AACS: variants seen among roughly 807,000 people sequenced by gnomAD.
The protein encoded by AACS is acetoacetyl-CoA synthetase.
A neutral mutation model predicts 83.1 loss-of-function variants in AACS; 69 were observed. That is an observed-to-expected ratio of 0.83 (90% CI 0.68 to 1.01). The LOEUF (loss-of-function observed/expected upper bound fraction) is 1.01, where lower values mean the gene tolerates loss of function less well. AACS is among the 50% of genes least tolerant of loss of function. The pLI, the probability that AACS is intolerant of heterozygous loss-of-function variation, is 0.00. For missense variants in AACS, 866 were observed against 882.2 expected, an observed-to-expected ratio of 0.98 and a Z score of 0.23; for synonymous variants, 333 against 343.4, an observed-to-expected ratio of 0.97 and a Z score of 0.33.
In AACS at chr12:125,073,978, A is replaced by G; in HGVS notation, c.236A>G (p.Glu79Gly). 1 of 1,607,344 alleles carries G rather than the reference A, an allele frequency of 6.2e-7. No individual in the cohort carries two copies. The highest frequency in any genetic ancestry group is 8.5e-7 in the Non-Finnish European group (1 of 1,176,376). The stretch of plus-strand genomic sequence containing the variant: ...ATTGTCTTCTCACGTGTGTATGATG[A>G]GGTAAGTAGAGATTTTCCGTGGATA... ...SGIVFSRVYD[E>G]VVDTSKGIAD... The change falls in exon 2 of 18, where the codon GAG (glutamate) becomes GGG (glycine). Residue 79 changes from glutamate to glycine, a missense_variant and splice_region_variant. By Grantham distance (98) the Glu-to-Gly change is moderately conservative. Coordinates refer to ENST00000316519, the MANE Select transcript of AACS (RefSeq NM_023928.5).
chr12:125,135,251 T>A (rs1409904973), intron 16 of AACS, among the ~76,000 whole-genome samples: 1 of 151,912 alleles, frequency 6.6e-6, no homozygotes, highest in Non-Finnish European at 1.5e-5. Flanking sequence ...TGCACCACCA[T>A]GCCCAGCTAG....
chr12:125,141,547 A>G (rs1593018841), intron 17 of AACS: 3 of 152,876 alleles, frequency 2.0e-5, no homozygotes, highest in South Asian at 4.1e-4. Context: ...AATACAAAAA[A>G]TTAGCTGGGC....
intron 7 of AACS, among the ~76,000 whole-genome samples, chr12:125,106,738 A>G (rs566530142): frequency 2.6e-5 from 4 of 152,242 alleles, no homozygotes; most frequent in Non-Finnish European, 4.4e-5. Context: ...ACATGGGCTC[A>G]GAAGACTTCA....
chr12:125,083,695 C>T (rs186546627), intron 3 of AACS, among the ~76,000 whole-genome samples: 4 of 152,154 alleles, frequency 2.6e-5, no homozygotes, highest in East Asian at 1.9e-4. Context: ...ACTCGGTCGC[C>T]GAGGCTGGAG....
At position 125,129,141 on chromosome 12, in the gene AACS, A is replaced by G. The variant is rs906677937; in HGVS notation, c.1424-194A>G. 2 of 653,948 alleles carry G rather than the reference A, an allele frequency of 3.1e-6. No homozygotes were observed. Among genetic ancestry groups the G allele is most frequent in the East Asian group, 3.6e-5 (1 of 27,402 alleles). 40.5% of individuals were successfully genotyped at this position (653,948 alleles called of 1,614,324 possible). On this transcript the variant is annotated intron_variant, in intron 13 of 17. Coordinates refer to ENST00000316519, the MANE Select transcript of AACS (RefSeq NM_023928.5). This position sits in a 1 kb window ranked among gnomAD's most constrained non-coding sequence, Gnocchi z 4.3. ...CCGAGACAGCGATTTTGGGGAGCAC[A>G]CAGGGAGGGGACTTCATCTGGGAGG...
Position 125,142,136 on chromosome 12 carries a change from C to A in AACS, c.1926C>A (p.Ile642=), listed in dbSNP as rs200763902. The change falls in exon 18 of 18, where the codon ATC becomes ATA. Residue 642 remains isoleucine (I), a synonymous_variant. Coordinates refer to ENST00000316519, the MANE Select transcript of AACS (RefSeq NM_023928.5). ...AAGTGGAAGTTGCCGTCAAACAGAT[C>A]ATCGCTGGAAAAGCCGTGGAGCAAG... ...GKKVEVAVKQ[I]IAGKAVEQGG... The A allele has an allele frequency of 6.8e-6, 11 of 1,614,160 alleles. No individual in the cohort carries two copies. The South Asian group carries it at 7.7e-5, about 11-fold the overall frequency.
At position 125,133,979 on chromosome 12, in the gene AACS, C is replaced by G. The variant is rs74681613; in HGVS notation, c.1550-24C>G. 3.8e-3 allele frequency: 6,144 copies of G among 1,613,564 alleles called. 214 individuals are homozygous for G. In the African/African-American group the frequency reaches 0.073, roughly 19 times the overall value. On this transcript the variant is annotated intron_variant, in intron 14 of 17. Coordinates refer to ENST00000316519, the MANE Select transcript of AACS (RefSeq NM_023928.5). ...CATGGCCCCTTCTCCTCGGGATGAC[C>G]GGGCACCTCTGCTGTCTTTGCAGGT... is the stretch of plus-strand genomic sequence containing the variant.
rs1957015157 is a variant in AACS, at chr12:125,114,502, A to T, written c.941A>T (p.Glu314Val). The T allele has an allele frequency of 1.2e-6, 2 of 1,613,234 alleles. No individual in the cohort carries two copies. The highest frequency in any genetic ancestry group is 1.7e-6 in the Non-Finnish European group (2 of 1,179,734). ...AGGTLIQHLKEHLLHGNMTSS... is the reference protein window; with the variant it reads ...AGGTLIQHLKVHLLHGNMTSS... ...GGCACCCTCATCCAGCATCTGAAGG[A>T]GCACCTGCTGCACGGCAACATGACC... Residue 314 changes from glutamate (E) to valine (V), a missense_variant, in exon 9 of 18, where the codon GAG becomes GTG. Coordinates refer to ENST00000316519, the MANE Select transcript of AACS (RefSeq NM_023928.5).
chr12:125,069,165 C>A (rs1368544998), intron 1 of AACS, among the ~76,000 whole-genome samples: 1 of 152,192 alleles, frequency 6.6e-6, no homozygotes, highest in Non-Finnish European at 1.5e-5. Flanking sequence ...TGCTTAAAGA[C>A]AGTGCCCGCG....
chr12:125,099,922 G>A (rs891539545), intron 5 of AACS, among the ~76,000 whole-genome samples: 2 of 152,180 alleles, frequency 1.3e-5, no homozygotes, highest in African/African-American at 2.4e-5. Context: ...GTGATCTGCC[G>A]GCCTCAGCCT....
chr12:125,117,380 C>G (rs1957073194), intron 9 of AACS, among the ~76,000 whole-genome samples: 3 of 151,920 alleles, frequency 2.0e-5, no homozygotes, highest in Admixed American at 2.0e-4. Flanking sequence ...TGCCACTGCA[C>G]TCCAGCCTAG....
At chr12:125,126,168 C>G (rs1281736584) in intron 12 of AACS, 4 of 152,190 alleles carry the variant, frequency 2.6e-5, no homozygotes, top group Non-Finnish European at 5.9e-5. Context: ...CCGTGTTGGT[C>G]AGGCTGGTCT....
intron 3 of AACS, chr12:125,078,084 C>G: frequency 2.2e-6 from 1 of 450,438 alleles, no homozygotes; most frequent in Non-Finnish European, 4.5e-6. Flanking sequence ...AGAAACTTCA[C>G]TCACTCCCTA....
intron 8 of AACS, among the ~76,000 whole-genome samples, chr12:125,112,159 A>G (rs1403230320): frequency 6.6e-6 from 1 of 152,044 alleles, no homozygotes; most frequent in African/African-American, 2.4e-5. Flanking sequence ...AAAGTTTGTC[A>G]CCCCCAAATT....
chr12:125,137,154 T>C (rs1325285873), intron 17 of AACS, among the ~76,000 whole-genome samples: 1 of 152,242 alleles, frequency 6.6e-6, no homozygotes, highest in African/African-American at 2.4e-5. Flanking sequence ...AAATTTTTAA[T>C]GAGAACATTA....
intron 4 of AACS, among the ~76,000 whole-genome samples, chr12:125,087,567 G>A (rs1261035374): frequency 6.6e-6 from 1 of 152,178 alleles, no homozygotes; most frequent in South Asian, 2.1e-4. Flanking sequence ...CCATGTCATC[G>A]GACAAGGACC....
chr12:125,128,124 T>G lies in AACS; in HGVS notation c.1310-37T>G, dbSNP rs367847397. 21 of 1,520,606 alleles carry G rather than the reference T, an allele frequency of 1.4e-5. No homozygotes were observed. In the African/African-American group the frequency reaches 2.9e-4, roughly 21 times the overall value. The allele number at this position is 1,520,606 out of a possible 1,614,324, so 94.2% of individuals were successfully genotyped here. A position where few individuals can be genotyped will look rare whatever the true frequency, so the allele number is the denominator to read the frequency against. ...TAATTTAACACAATTTGTCTTGGGC[T>G]TCTAAATTTTGAGTCTCCCTTTGCC... On this transcript the variant is annotated intron_variant, in intron 12 of 17. Coordinates refer to ENST00000316519, the MANE Select transcript of AACS (RefSeq NM_023928.5).
intron 5 of AACS, among the ~76,000 whole-genome samples, chr12:125,092,209 C>T (rs1217668230): frequency 6.6e-6 from 1 of 152,242 alleles, no homozygotes; most frequent in East Asian, 1.9e-4. Context: ...GCGTCAGGGA[C>T]CTTCAGGAGC....
chr12:125,086,619 A>G (rs1161148272), intron 4 of AACS, among the ~76,000 whole-genome samples, 176 bp downstream of exon 4: 1 of 152,204 alleles, frequency 6.6e-6, no homozygotes, highest in Non-Finnish European at 1.5e-5. Flanking sequence ...TTGCTGAAAG[A>G]ATATGCTGCT....
Sources: allele counts gnomAD v4.1 joint callset (sites outside exome capture counted in the v4.1 genomes callset), GRCh38; gene constraint gnomAD v4.1.1; non-coding constraint Gnocchi (gnomAD v3.1); transcripts MANE v1.5; gene names NCBI Gene and HGNC (gene_info 2026-07-23, HGNC 2026-07-21).